The following ADGRG5 variants were observed in gnomAD, a reference collection of about 807,000 sequenced individuals.
ADGRG5 encodes the protein G protein-coupled receptor 114.
A neutral mutation model predicts 53.2 loss-of-function variants in ADGRG5; 37 were observed. The ratio of observed to expected loss-of-function variants is 0.70; its 90% confidence interval spans 0.53 to 0.91. The LOEUF (loss-of-function observed/expected upper bound fraction) is 0.91. Among genes scored for constraint, ADGRG5 ranks in the 40% least tolerant of loss-of-function variants. The pLI, the probability that ADGRG5 is intolerant of heterozygous loss-of-function variation, is 0.00. For missense variants in ADGRG5, 614 were observed against 675.8 expected, an observed-to-expected ratio of 0.91 and a Z score of 1.01; for synonymous variants, 277 against 290.4, an observed-to-expected ratio of 0.95 and a Z score of 0.47.
At chr16:57,566,808 G>A (rs1596791866) in intron 7 of ADGRG5, 57 bp downstream of exon 7, 2 of 1,352,002 alleles carry the variant, frequency 1.5e-6, no homozygotes, top group Non-Finnish European at 1.9e-6. Flanking sequence ...GTCTGTGGCA[G>A]AGGAGCAAGG....
intron 1 of ADGRG5, among the ~76,000 whole-genome samples, chr16:57,554,637 A>C (rs1334846988): frequency 6.6e-6 from 1 of 152,150 alleles, no homozygotes; most frequent in East Asian, 1.9e-4. Flanking sequence ...TGGCCTCCCA[A>C]AGTGCTGGGA....
chr16:57,548,769 AGTT>A (rs2032681153), intron 1 of ADGRG5, among the ~76,000 whole-genome samples: 2 of 147,620 alleles, frequency 1.4e-5, no homozygotes, highest in African/African-American at 2.5e-5. Context: ...GATCCATCCA[AGTT>A]GTGTGTGTCA....
intron 1 of ADGRG5, among the ~76,000 whole-genome samples, chr16:57,549,287 A>G (rs933874234): frequency 1.3e-5 from 2 of 152,202 alleles, no homozygotes; most frequent in Non-Finnish European, 2.9e-5. Context: ...GAGTGCAGGA[A>G]TGTGCCTGTC....
chr16:57,548,165 G>A (rs1356105575), intron 1 of ADGRG5, among the ~76,000 whole-genome samples: 1 of 146,570 alleles, frequency 6.8e-6, no homozygotes, highest in Non-Finnish European at 1.5e-5. Flanking sequence ...ATGGTGCCTG[G>A]CTATACACAT....
At chr16:57,550,808 T>C (rs905711609) in intron 1 of ADGRG5, among the ~76,000 whole-genome samples, 11 of 152,250 alleles carry the variant, frequency 7.2e-5, no homozygotes, top group Admixed American at 2.6e-4. Flanking sequence ...GGCGGGCGGA[T>C]CATGAGGTCA....
Position 57,566,652 on chromosome 16 carries a change from C to CT in ADGRG5, c.601dup (p.Trp201LeufsTer7). 6.3e-7 allele frequency: 1 copy of CT among 1,589,752 alleles called. No homozygotes were observed. The highest frequency in any genetic ancestry group is 1.1e-5 in the South Asian group (1 of 87,548). On this transcript the variant is annotated frameshift_variant, in exon 7 of 12. Coordinates refer to ENST00000349457, the MANE Select transcript of ADGRG5 (RefSeq NM_001304376.3). LOFTEE classifies it high-confidence loss of function. ...GGAAGGAGGGAGCCAGGAAACAGCC[C>CT]TGGGGGGGCTGGAGCCCTGAGGGCT...
At chr16:57,573,838 C>T (rs187365214) in intron 10 of ADGRG5, among the ~76,000 whole-genome samples, 5 of 152,302 alleles carry the variant, frequency 3.3e-5, no homozygotes, top group Admixed American at 2.6e-4. Flanking sequence ...TCTCCTGCCT[C>T]AGCCTCCCGA....
rs149365633 is a variant in ADGRG5 at position 57,573,365 on chromosome 16, C to T, written c.1209-1450C>T. ...AGGAGAATTGCTTGAACCTGGGAGGCGGAGGTTGCAGTGAGCCAAGATCAC... is the reference window on the plus strand; with the variant it reads ...AGGAGAATTGCTTGAACCTGGGAGGTGGAGGTTGCAGTGAGCCAAGATCAC... On this transcript the variant is annotated intron_variant, in intron 10 of 11. Transcript: ENST00000349457. Among the ~76,000 whole-genome samples, 1,018 of 140,806 alleles carry T rather than the reference C, an allele frequency of 7.2e-3. 10 individuals are homozygous for T. The highest frequency in any genetic ancestry group is 0.023 in the Middle Eastern group (6 of 260). 92.4% of individuals were successfully genotyped at this position (140,806 alleles called of 152,430 possible).
chr16:57,531,145 C>T, the ADGRG5 span, among the ~76,000 whole-genome samples: 1 of 152,088 alleles, frequency 6.6e-6, no homozygotes, highest in African/African-American at 2.4e-5. Context: ...CCCAGGTTGC[C>T]CTCAGAGCTT....
intron 1 of ADGRG5, among the ~76,000 whole-genome samples, chr16:57,554,374 C>CTT (rs1197786650): frequency 1.4e-5 from 2 of 145,616 alleles, no homozygotes; most frequent in Non-Finnish European, 1.5e-5. Flanking sequence ...ATAATTTTAT[C>CTT]TTTTTTTTTT....
At chr16:57,568,499 T>C (rs1258947683) in intron 9 of ADGRG5, among the ~76,000 whole-genome samples, 5 of 129,374 alleles carry the variant, frequency 3.9e-5, no homozygotes, top group Middle Eastern at 4.8e-3. Flanking sequence ...TCCTCCACCT[T>C]CATCACCACC....
At chr16:57,552,120 TA>T in intron 1 of ADGRG5, among the ~76,000 whole-genome samples, 1 of 152,298 alleles carries the variant, frequency 6.6e-6, no homozygotes, top group Admixed American at 6.5e-5. Context: ...CAGGCTTTGT[TA>T]TTCCATTTGT....
chr16:57,532,262 C>G, the ADGRG5 span, among the ~76,000 whole-genome samples: 1 of 152,156 alleles, frequency 6.6e-6, no homozygotes, highest in Non-Finnish European at 1.5e-5. Context: ...TTTGGCGATG[C>G]TTTCTTACTA....
intron 10 of ADGRG5, among the ~76,000 whole-genome samples, 191 bp downstream of exon 10, chr16:57,570,726 C>G (rs2033330347): frequency 1.3e-5 from 2 of 152,256 alleles, no homozygotes; most frequent in Non-Finnish European, 2.9e-5. Flanking sequence ...CCTGCAGAGG[C>G]AGCCTTGTGT....
chr16:57,543,355 T>C (rs1012167104), intron 1 of ADGRG5, among the ~76,000 whole-genome samples: 24 of 140,676 alleles, frequency 1.7e-4, no homozygotes, highest in African/African-American at 6.1e-4. Flanking sequence ...CGATCTCGGC[T>C]CACTGCAACC....
At chr16:57,529,802 A>C in the ADGRG5 span, among the ~76,000 whole-genome samples, 1 of 152,064 alleles carries the variant, frequency 6.6e-6, no homozygotes, top group Non-Finnish European at 1.5e-5. This position sits in a 1 kb window ranked among gnomAD's most constrained non-coding sequence, Gnocchi z 4.1. Context: ...CCATCACTGC[A>C]CTAACTTACC....
At chr16:57,529,247 G>C in the ADGRG5 span, 1 of 1,128,226 alleles carries the variant, frequency 8.9e-7, no homozygotes, top group African/African-American at 1.7e-5. The surrounding 1 kb of genome is among the most constrained non-coding windows in gnomAD (Gnocchi z 4.1). Flanking sequence ...GACGCGCGGC[G>C]GGCGCGATAC....
Position 57,575,694 on chromosome 16 carries a change from T to C in ADGRG5, c.*156T>C, listed in dbSNP as rs1343935399. On this transcript the variant is annotated 3_prime_UTR_variant, in exon 12 of 12. Transcript: ENST00000349457. ...CCACTTCCACGGCCTCTCCAGGCAC[T>C]GAGGGGAAGGCATTGCTCTACCTCT... 1.6e-6 allele frequency: 1 copy of C among 613,482 alleles called. No homozygotes were observed. Among genetic ancestry groups the C allele is most frequent in the African/African-American group, 1.8e-5 (1 of 54,138 alleles). 38.0% of individuals were successfully genotyped at this position (613,482 alleles called of 1,614,324 possible).
At chr16:57,539,003 GA>G (rs1240606005), upstream of ADGRG5, among the ~76,000 whole-genome samples, 2 of 152,196 alleles carry the variant, frequency 1.3e-5, no homozygotes, top group African/African-American at 4.8e-5. Flanking sequence ...TCTTTGTTAA[GA>G]AGGGGCATCA....
Sources: gnomAD v4.1 joint callset for allele counts (sites outside exome capture counted in the v4.1 genomes callset) on GRCh38, gnomAD v4.1.1 for gene constraint, Gnocchi (gnomAD v3.1) non-coding constraint, MANE v1.5 for transcripts, NCBI Gene and HGNC (gene_info 2026-07-23, HGNC 2026-07-21) for gene names.